The following ZG16 variants were observed in gnomAD, a reference collection of about 807,000 sequenced individuals.
ZG16 encodes the protein zymogen granule protein 16, also known as zymogen granule membrane protein 16.
ZG16 carries 9 observed loss-of-function variants against 15.6 expected under a neutral mutation model. The observed-to-expected ratio is 0.58, with a 90% CI of 0.35 to 1.00. The LOEUF is 1.00. Among genes scored for constraint, ZG16 ranks in the 50% least tolerant of loss-of-function variants. The pLI, the probability that ZG16 is intolerant of heterozygous loss-of-function variation, is 0.02. For synonymous variants in ZG16, 89 were observed against 87.4 expected (o/e 1.02, Z -0.10); for missense variants, 174 against 214.8 (o/e 0.81, Z 1.19).
At chr16:29,779,399 G>A in intron 2 of ZG16, 78 bp downstream of exon 2, 1 of 1,535,484 alleles carries the variant, frequency 6.5e-7, no homozygotes, top group South Asian at 1.2e-5. Flanking sequence ...AAGGCTTTTG[G>A]AGGTTGGCTT....
Position 29,779,649 on chromosome 16 carries a change from T to G in ZG16, c.188+12T>G, listed in dbSNP as rs1015414840. The G allele has an allele frequency of 1.5e-5, 23 of 1,536,570 alleles. No individual in the cohort carries two copies. The African/African-American group carries it at 3.2e-4, about 21-fold the overall frequency. ...TACTACATCGTAGGGTAAGATTCTT[T>G]GAATTCCTGGCTGGGCGCGGTGGCT... On this transcript the variant is annotated intron_variant, in intron 3 of 3. Transcript: ENST00000400752.
rs1898598715 is a variant in ZG16, at chr16:29,779,581, G to T, written c.132G>T (p.Gln44His). 6.5e-7 allele frequency: 1 copy of T among 1,537,088 alleles called. No homozygotes were observed. The highest frequency in any genetic ancestry group is 8.7e-7 in the Non-Finnish European group (1 of 1,146,920). The change falls in exon 3 of 4, where the codon CAG (glutamine) becomes CAT (histidine). Residue 44 changes from glutamine to histidine, a missense_variant. Transcript: ENST00000400752. ...GGKRFSHSGN[Q>H]LDGPITALRV... The stretch of plus-strand genomic sequence containing the variant: ...AGCGATTCTCTCATTCTGGCAACCA[G>T]TTGGACGGCCCCATCACCGCCCTCC...
rs1216591879 is a variant in ZG16 at position 29,778,259 on chromosome 16, A to C, written c.-55A>C. The C allele has an allele frequency of 6.6e-6, 1 of 152,250 alleles. No individual in the cohort carries two copies. Among genetic ancestry groups the C allele is most frequent in the Non-Finnish European group, 1.5e-5 (1 of 68,096 alleles). The allele number at this position is 152,250 out of a possible 1,614,324, so 9.4% of individuals were successfully genotyped here. On this transcript the variant is annotated 5_prime_UTR_variant, in exon 1 of 4. Coordinates refer to ENST00000400752, the MANE Select transcript of ZG16 (RefSeq NM_152338.4). ...AGGAGGAGGGCTTGGACCTGGTATAAAACATCTGGAAGTTTCCAGGGGGCT... is the reference window on the plus strand; with the variant it reads ...AGGAGGAGGGCTTGGACCTGGTATACAACATCTGGAAGTTTCCAGGGGGCT...
At chr16:29,780,016 C>G in intron 3 of ZG16, 88 bp from the exon 4 acceptor site, 1 of 1,237,852 alleles carries the variant, frequency 8.1e-7, no homozygotes, top group Non-Finnish European at 1.1e-6. Flanking sequence ...CAGGGTTCAC[C>G]CAGGCTTCAC....
Position 29,779,597 on chromosome 16 carries a change from A to T in ZG16, c.148A>T (p.Thr50Ser). The T allele has an allele frequency of 6.5e-7, 1 of 1,536,622 alleles. No homozygotes were observed. The highest frequency in any genetic ancestry group is 8.7e-7 in the Non-Finnish European group (1 of 1,146,830). Residue 50 changes from threonine (T) to serine (S), a missense_variant, in exon 3 of 4, where the codon ACC (threonine) becomes TCC (serine). Thr to Ser is a moderately conservative substitution (Grantham distance 58). Coordinates refer to ENST00000400752, the MANE Select transcript of ZG16 (RefSeq NM_152338.4). ...HSGNQLDGPITALRVRVNTYY... is the reference protein window; with the variant it reads ...HSGNQLDGPISALRVRVNTYY... The stretch of plus-strand genomic sequence containing the variant: ...TGGCAACCAGTTGGACGGCCCCATC[A>T]CCGCCCTCCGGGTCCGAGTCAACAC...
At position 29,782,794 on chromosome 16, in the gene ZG16, G is replaced by T; in HGVS notation, c.*2375G>T. 1.3e-5 allele frequency: 2 copies of T among 152,982 alleles called. No homozygotes were observed. Among genetic ancestry groups the T allele is most frequent in the South Asian group, 3.7e-4 (2 of 5,452 alleles). 9.5% of individuals were successfully genotyped at this position (152,982 alleles called of 1,614,324 possible). The stretch of plus-strand genomic sequence containing the variant: ...GGAAGTCAGGGACCCCGAACGGAGG[G>T]ACTGGCTGGAGCCACAGCTGAGGAA... On this transcript the variant is annotated 3_prime_UTR_variant, in exon 4 of 4. Transcript: ENST00000400752.
chr16:29,779,368 C>G lies in ZG16; in HGVS notation c.55+47C>G, dbSNP rs912193318. ...TGGTATTGGGGACTTGGGAAGGCAGCCTTGGGCACTGCTGTTGGCCAAGGC... is the reference window on the plus strand; with the variant it reads ...TGGTATTGGGGACTTGGGAAGGCAGGCTTGGGCACTGCTGTTGGCCAAGGC... On this transcript the variant is annotated intron_variant, in intron 2 of 3. Transcript: ENST00000400752. 4 of 1,535,794 alleles carry G rather than the reference C, an allele frequency of 2.6e-6. No individual in the cohort carries two copies. In the African/African-American group the frequency reaches 5.5e-5, roughly 21 times the overall value.
intron 3 of ZG16, 151 bp from the exon 4 acceptor site, chr16:29,779,953 G>A: frequency 1.3e-6 from 1 of 766,372 alleles, no homozygotes; most frequent in South Asian, 1.9e-5. Context: ...TCCAGCCTGG[G>A]TGACAGAGTC....
Position 29,779,334 on chromosome 16 carries a change from C to G in ZG16, c.55+13C>G. ...TCTGGCAATGCCAGTAAGTGAGATA[C>G]CAGGAGCCTGGTATTGGGGACTTGG... On this transcript the variant is annotated intron_variant, in intron 2 of 3. Transcript: ENST00000400752. 1 of 1,537,412 alleles carries G rather than the reference C, an allele frequency of 6.5e-7. No individual in the cohort carries two copies. Among genetic ancestry groups the G allele is most frequent in the Non-Finnish European group, 8.7e-7 (1 of 1,146,850 alleles).
In ZG16 at chr16:29,782,669, C is replaced by T. The variant is rs1269176663; in HGVS notation, c.*2250C>T. ...TTCAGCAGCTGCAGAGCCCCAGCCT[C>T]TTCTTTGGCAGGGGCACTGTGGTGA... On this transcript the variant is annotated 3_prime_UTR_variant, in exon 4 of 4. Transcript: ENST00000400752. The T allele has an allele frequency of 1.3e-5, 2 of 152,204 alleles. No individual in the cohort carries two copies. Among genetic ancestry groups the T allele is most frequent in the Non-Finnish European group, 2.9e-5 (2 of 68,042 alleles). The allele number at this position is 152,204 out of a possible 1,614,324, so 9.4% of individuals were successfully genotyped here. A position where few individuals can be genotyped will look rare whatever the true frequency, so the allele number is the denominator to read the frequency against.
chr16:29,778,784 A>G (rs1375056564), intron 1 of ZG16, among the ~76,000 whole-genome samples: 1 of 152,182 alleles, frequency 6.6e-6, no homozygotes. Flanking sequence ...CCAATTCACC[A>G]CAGATGATGA....
Position 29,780,490 on chromosome 16 carries a change from G to C in ZG16, c.*71G>C, listed in dbSNP as rs555244494. 2.4e-6 allele frequency: 3 copies of C among 1,242,962 alleles called. No homozygotes were observed. The East Asian group carries it at 8.5e-5, about 35-fold the overall frequency. The allele number at this position is 1,242,962 out of a possible 1,614,324, so 77.0% of individuals were successfully genotyped here. A position where few individuals can be genotyped will look rare whatever the true frequency, so the allele number is the denominator to read the frequency against. ...CCTTATCACTAACCCCCATCCAAAT[G>C]GCTCAATAAAAAAAATATGGTTAAG... On this transcript the variant is annotated 3_prime_UTR_variant, in exon 4 of 4. Coordinates refer to ENST00000400752, the MANE Select transcript of ZG16 (RefSeq NM_152338.4).
rs235641 is a variant in ZG16 at position 29,781,263 on chromosome 16, A to G, written c.*844A>G. The stretch of plus-strand genomic sequence containing the variant: ...TAGGCAAGTCAGTTTTCGGGGGTGT[A>G]AGGAAAAAGGGTTTTGTGTCTTTTT... On this transcript the variant is annotated 3_prime_UTR_variant, in exon 4 of 4. Transcript: ENST00000400752. 137,687 of 152,204 alleles carry G rather than the reference A, an allele frequency of 0.9. 63,786 individuals carry two copies. The highest frequency in any genetic ancestry group is 1 in the Non-Finnish European group (67,965 of 68,038). The allele number at this position is 152,204 out of a possible 1,614,324, so 9.4% of individuals were successfully genotyped here. A position where few individuals can be genotyped will look rare whatever the true frequency, so the allele number is the denominator to read the frequency against.
At position 29,781,064 on chromosome 16, in the gene ZG16, C is replaced by G. The variant is rs1898618785; in HGVS notation, c.*645C>G. ...CTTCCTCAGGAAGCCACCACCTTCTCAGCAGTGGAAACCCTGCCCACACTA... is the reference window on the plus strand; with the variant it reads ...CTTCCTCAGGAAGCCACCACCTTCTGAGCAGTGGAAACCCTGCCCACACTA... On this transcript the variant is annotated 3_prime_UTR_variant, in exon 4 of 4. Transcript: ENST00000400752. 6.5e-6 allele frequency: 1 copy of G among 152,820 alleles called. No homozygotes were observed. Among genetic ancestry groups the G allele is most frequent in the African/African-American group, 2.4e-5 (1 of 41,602 alleles). 9.5% of individuals were successfully genotyped at this position (152,820 alleles called of 1,614,324 possible).
chr16:29,779,551 T>G lies in ZG16; in HGVS notation c.102T>G (p.Gly34=), dbSNP rs1246498780. ...SSYSGEYGGG[G]GKRFSHSGNQ... ...ATAGTGGAGAGTATGGAGGTGGTGG[T>G]GGAAAGCGATTCTCTCATTCTGGCA... The change falls in exon 3 of 4, where the codon GGT becomes GGG. Residue 34 remains glycine (G), a synonymous_variant. Coordinates refer to ENST00000400752, the MANE Select transcript of ZG16 (RefSeq NM_152338.4). 6.5e-7 allele frequency: 1 copy of G among 1,537,148 alleles called. No individual in the cohort carries two copies.
At chr16:29,780,030 C>A in intron 3 of ZG16, 74 bp from the exon 4 acceptor site, 2 of 1,347,804 alleles carry the variant, frequency 1.5e-6, no homozygotes, top group Non-Finnish European at 2.0e-6. Flanking sequence ...GCTTCACAGT[C>A]TGTAGGACTA....
chr16:29,780,462 C>CCTGTAATCCCAGCTAT lies in ZG16; in HGVS notation c.*43_*44insCTGTAATCCCAGCTAT. ...GGGGCACTGTGATGAGGAGTAAGAACTCCCTTATCACTAACCCCCATCCAA... is the reference window on the plus strand; with the variant it reads ...GGGGCACTGTGATGAGGAGTAAGAACCTGTAATCCCAGCTATTCCCTTATCACTAACCCCCATCCAA... On this transcript the variant is annotated 3_prime_UTR_variant, in exon 4 of 4. Coordinates refer to ENST00000400752, the MANE Select transcript of ZG16 (RefSeq NM_152338.4). 1 of 1,454,002 alleles carries CCTGTAATCCCAGCTAT rather than the reference C, an allele frequency of 6.9e-7. No homozygotes were observed. The highest frequency in any genetic ancestry group is 9.1e-7 in the Non-Finnish European group (1 of 1,093,088). The allele number at this position is 1,454,002 out of a possible 1,614,324, so 90.1% of individuals were successfully genotyped here. A position where few individuals can be genotyped will look rare whatever the true frequency, so the allele number is the denominator to read the frequency against.
rs1380755516 is a variant in ZG16 at position 29,780,139 on chromosome 16, A to C, written c.224A>C (p.Tyr75Ser). The C allele has an allele frequency of 1.8e-5, 28 of 1,536,896 alleles. No individual in the cohort carries two copies. The highest frequency in any genetic ancestry group is 2.4e-5 in the Non-Finnish European group (28 of 1,146,790). Residue 75 changes from tyrosine (Y) to serine (S), a missense_variant, in exon 4 of 4, where the codon TAT (tyrosine) becomes TCT (serine). Coordinates refer to ENST00000400752, the MANE Select transcript of ZG16 (RefSeq NM_152338.4). The stretch of plus-strand genomic sequence containing the variant: ...CGCTATGGCAAGGTGTGGAGCGACT[A>C]TGTGGGTGGTCGCAACGGAGACCTG... Reference protein sequence around the residue: ...QVRYGKVWSDYVGGRNGDLEE... With the variant: ...QVRYGKVWSDSVGGRNGDLEE...
chr16:29,779,194 G>A, intron 1 of ZG16, 66 bp from the exon 2 acceptor site: 1 of 1,494,070 alleles, frequency 6.7e-7, no homozygotes, highest in Non-Finnish European at 9.0e-7. Flanking sequence ...GGTCAGGAGT[G>A]CCTGGGTCAA....
Sources: allele counts gnomAD v4.1 joint callset (sites outside exome capture counted in the v4.1 genomes callset), GRCh38; gene constraint gnomAD v4.1.1; transcripts MANE v1.5; gene names NCBI Gene and HGNC (gene_info 2026-07-23, HGNC 2026-07-21).